PPWD1: variants seen among roughly 807,000 people sequenced by gnomAD.
The protein encoded by PPWD1 is peptidylprolyl isomerase domain and WD repeat containing 1, also known as peptidylprolyl isomerase domain and WD repeat-containing protein 1.
Under a neutral mutation model 68.8 loss-of-function variants are expected in PPWD1, and 43 were observed. The ratio of observed to expected loss-of-function variants is 0.62; its 90% CI spans 0.49 to 0.81. The LOEUF is 0.81. PPWD1 is among the 30% of genes least tolerant of loss of function. The pLI is 0.00. For synonymous variants in PPWD1, 232 were observed against 258.7 expected (o/e 0.90, Z 0.99); for missense variants, 672 against 804.8 (o/e 0.83, Z 2.00).
At chr5:65,570,184 T>A in intron 4 of PPWD1, 186 bp downstream of exon 4, 1 of 910,268 alleles carries the variant, frequency 1.1e-6, no homozygotes, top group Non-Finnish European at 1.3e-6. Context: ...CTGCTATGAT[T>A]TGTTATCAAT....
chr5:65,565,992 G>A (rs1197302380), intron 1 of PPWD1, among the ~76,000 whole-genome samples: 38 of 152,160 alleles, frequency 2.5e-4, no homozygotes, highest in Admixed American at 2.5e-3. Flanking sequence ...TTGGACTGTT[G>A]TATATATTTT....
chr5:65,576,548 T>C (rs1253997138), intron 5 of PPWD1, among the ~76,000 whole-genome samples: 1 of 152,008 alleles, frequency 6.6e-6, no homozygotes, highest in East Asian at 1.9e-4. Flanking sequence ...GGCTAAGTTT[T>C]TATGTTTTTA....
chr5:65,572,403 T>C, intron 5 of PPWD1, 117 bp downstream of exon 5: 1 of 1,084,418 alleles, frequency 9.2e-7, no homozygotes, highest in Non-Finnish European at 1.3e-6. Flanking sequence ...ATTTTTTTCT[T>C]AGCACATTAG....
chr5:65,576,769 T>C, intron 5 of PPWD1, 110 bp from the exon 6 acceptor site: 1 of 1,434,284 alleles, frequency 7.0e-7, no homozygotes, highest in Non-Finnish European at 9.3e-7. Flanking sequence ...TGGCTCTTAA[T>C]ATGTATTCTG....
At chr5:65,585,247 G>A in intron 9 of PPWD1, 152 bp downstream of exon 9, 1 of 714,438 alleles carries the variant, frequency 1.4e-6, no homozygotes, top group South Asian at 2.1e-5. Context: ...AGGAGTGGAT[G>A]GTCATAAATA....
Position 65,567,557 on chromosome 5 carries a change from T to G in PPWD1, c.241T>G (p.Ser81Ala), listed in dbSNP as rs1371111822. ...RVYLDNLPSA[S>A]MYERSYMHRD... ...CTATCTTGATAATCTCCCCAGTGCATCCATGTATGAGCGCAGTTACATGCA... is the reference window on the plus strand; with the variant it reads ...CTATCTTGATAATCTCCCCAGTGCAGCCATGTATGAGCGCAGTTACATGCA... The change falls in exon 2 of 11, where the codon TCC (serine) becomes GCC (alanine). Residue 81 changes from serine (S) to alanine (A), a missense_variant. This residue lies in a region of PPWD1 where 188 missense variants were observed against 158.6 expected (regional missense o/e 1.19). Coordinates refer to ENST00000261308, the MANE Select transcript of PPWD1 (RefSeq NM_015342.4). 10 of 1,612,780 alleles carry G rather than the reference T, an allele frequency of 6.2e-6. No individual in the cohort carries two copies. The highest frequency in any genetic ancestry group is 8.5e-6 in the Non-Finnish European group (10 of 1,179,160).
chr5:65,587,276 A>G lies in PPWD1; in HGVS notation c.1821A>G (p.Thr607=), dbSNP rs1561735463. The change falls in exon 11 of 11, where the codon ACA becomes ACG. Residue 607 remains threonine (T), a synonymous_variant. Coordinates refer to ENST00000261308, the MANE Select transcript of PPWD1 (RefSeq NM_015342.4). ...AGCCTTGGCTTGATAATAAGCATAC[A>G]GTATTTGGACGAGTGACTAAAGGAA... The part of the protein sequence containing the change: ...VPTPWLDNKH[T]VFGRVTKGME... 1.2e-6 allele frequency: 2 copies of G among 1,610,594 alleles called. No homozygotes were observed. Among genetic ancestry groups the G allele is most frequent in the South Asian group, 1.1e-5 (1 of 90,658 alleles).
At chr5:65,571,452 C>A (rs1002177392) in intron 4 of PPWD1, among the ~76,000 whole-genome samples, 2 of 152,150 alleles carry the variant, frequency 1.3e-5, no homozygotes, top group Non-Finnish European at 2.9e-5. Context: ...ATAAAATACA[C>A]TATTACATGC....
rs79453219 is a variant in PPWD1 at position 65,578,910 on chromosome 5, G to T, written c.1161-514G>T. 6.0e-3 allele frequency among the ~76,000 whole-genome samples: 914 copies of T among 151,332 alleles called. 9 individuals are homozygous for T. The highest frequency in any genetic ancestry group is 0.02 in the African/African-American group (832 of 41,238). On this transcript the variant is annotated intron_variant, in intron 6 of 10. Transcript: ENST00000261308. Reference sequence around the variant, plus strand: ...TCTGTGACTTTTCATTCTCTTGATTGGTTTTTTGTTGTTGTTGTTTTTTAT... The same window carrying T: ...TCTGTGACTTTTCATTCTCTTGATTTGTTTTTTGTTGTTGTTGTTTTTTAT...
intron 7 of PPWD1, 137 bp downstream of exon 7, chr5:65,579,750 T>G (rs1342940832): frequency 9.5e-6 from 5 of 526,538 alleles, no homozygotes; most frequent in Non-Finnish European, 1.5e-5. Context: ...CCATCTTACA[T>G]TAATATTGTA....
At chr5:65,567,692 T>C in intron 2 of PPWD1, 77 bp downstream of exon 2, 1 of 1,427,324 alleles carries the variant, frequency 7.0e-7, no homozygotes, top group Admixed American at 2.6e-5. Flanking sequence ...GAGGTAGATT[T>C]ATAGAGATAA....
chr5:65,586,442 CTGA>C (rs1411605525), intron 10 of PPWD1, among the ~76,000 whole-genome samples: 3 of 152,152 alleles, frequency 2.0e-5, no homozygotes, highest in African/African-American at 7.2e-5. Flanking sequence ...TCTGCCTCTA[CTGA>C]TGATGTAACC....
At chr5:65,574,801 A>T (rs547867481) in intron 5 of PPWD1, among the ~76,000 whole-genome samples, 1 of 152,224 alleles carries the variant, frequency 6.6e-6, no homozygotes. Context: ...GAGCTGCTCA[A>T]TCCACTCTAT....
chr5:65,584,504 C>T (rs34727801), intron 8 of PPWD1, among the ~76,000 whole-genome samples: 1,801 of 152,176 alleles, frequency 0.012, 23 homozygotes, highest in Middle Eastern at 0.048. Flanking sequence ...ATGACCTTTC[C>T]CAGGAACTTA....
At chr5:65,586,577 ATACAT>A (rs1182056746) in intron 10 of PPWD1, among the ~76,000 whole-genome samples, 5 of 152,200 alleles carry the variant, frequency 3.3e-5, no homozygotes, top group African/African-American at 1.2e-4. Flanking sequence ...TGAAATCAGA[ATACAT>A]TAGATTTGAT....
chr5:65,566,699 TC>T (rs145356091), intron 1 of PPWD1, among the ~76,000 whole-genome samples: 4,992 of 151,744 alleles, frequency 0.033, 270 homozygotes, highest in African/African-American at 0.12. Flanking sequence ...TCCCCTCCCC[TC>T]GTTCCCTCCT....
intron 1 of PPWD1, among the ~76,000 whole-genome samples, chr5:65,567,295 G>A (rs1309084561): frequency 1.3e-5 from 2 of 151,722 alleles, no homozygotes; most frequent in African/African-American, 4.8e-5. Flanking sequence ...CTGGGAACCT[G>A]TTGTAACTGA....
intron 2 of PPWD1, among the ~76,000 whole-genome samples, chr5:65,568,298 CTTTTTT>C (rs369077366): frequency 1.3e-5 from 2 of 152,030 alleles, no homozygotes; most frequent in East Asian, 3.8e-4. Flanking sequence ...AAGGCTTTTT[CTTTTTT>C]TATCTATCAA....
Position 65,587,262 on chromosome 5 carries a change from G to GA in PPWD1, c.1808dup (p.Asp603GlufsTer2). On this transcript the variant is annotated frameshift_variant, in exon 11 of 11. Coordinates refer to ENST00000261308, the MANE Select transcript of PPWD1 (RefSeq NM_015342.4). LOFTEE classifies it high-confidence loss of function. ...TTGTCCTCCAACACAGCCTTGGCTT[G>GA]ATAATAAGCATACAGTATTTGGACG... 6.2e-7 allele frequency: 1 copy of GA among 1,607,724 alleles called. No homozygotes were observed. Among genetic ancestry groups the GA allele is most frequent in the Non-Finnish European group, 8.5e-7 (1 of 1,176,410 alleles).
Sources: allele counts gnomAD v4.1 joint callset (sites outside exome capture counted in the v4.1 genomes callset), GRCh38; gene constraint gnomAD v4.1.1; regional missense constraint gnomAD v4.1.1; transcripts MANE v1.5; gene names NCBI Gene and HGNC (gene_info 2026-07-23, HGNC 2026-07-21).